PSD2: variants seen among roughly 807,000 people sequenced by gnomAD.
The protein encoded by PSD2 is pleckstrin and Sec7 domain containing 2.
PSD2 carries 38 observed loss-of-function variants against 69.8 expected under a neutral mutation model. The observed-to-expected ratio is 0.54, with a 90% CI of 0.42 to 0.71. PSD2 has a LOEUF of 0.71. Among genes scored for constraint, PSD2 ranks in the 30% least tolerant of loss-of-function variants. The pLI is 0.00. For missense variants in PSD2, 943 were observed against 1,014.5 expected (o/e 0.93, Z 0.96); for synonymous variants, 412 against 423.0 (o/e 0.97, Z 0.32).
At chr5:139,757,507 G>T in the PSD2 span, among the ~76,000 whole-genome samples, 1 of 152,170 alleles carries the variant, frequency 6.6e-6, no homozygotes, top group African/African-American at 2.4e-5. Context: ...GGCAGTCCCT[G>T]AAGGGAATGG....
chr5:139,773,250 T>A, the PSD2 span, among the ~76,000 whole-genome samples: 15 of 152,168 alleles, frequency 9.9e-5, no homozygotes, highest in East Asian at 2.9e-3. Flanking sequence ...CCTTCCTTTC[T>A]TCCTACCTTC....
intron 1 of PSD2, among the ~76,000 whole-genome samples, chr5:139,800,126 C>T (rs1314265460): frequency 6.6e-6 from 1 of 152,184 alleles, no homozygotes; most frequent in Non-Finnish European, 1.5e-5. Context: ...GGCAGCTGCC[C>T]CTGTGGAAGC....
the PSD2 span, among the ~76,000 whole-genome samples, chr5:139,780,590 C>T: frequency 1.5e-4 from 23 of 152,026 alleles, no homozygotes; most frequent in Middle Eastern, 3.2e-3. Flanking sequence ...ATTACAGGCA[C>T]GCAGCACCAT....
At chr5:139,776,834 C>T in the PSD2 span, among the ~76,000 whole-genome samples, 1 of 152,156 alleles carries the variant, frequency 6.6e-6, no homozygotes, top group African/African-American at 2.4e-5. Context: ...CAAAGAACCA[C>T]AGTCCATTCT....
intron 7 of PSD2, among the ~76,000 whole-genome samples, chr5:139,826,930 A>G (rs1760438514): frequency 6.6e-6 from 1 of 152,154 alleles, no homozygotes; most frequent in Admixed American, 6.5e-5. Flanking sequence ...TCTTCTTAGG[A>G]GCTGGAGTCA....
the PSD2 span, among the ~76,000 whole-genome samples, chr5:139,782,490 G>GTTTTTT: frequency 1.7e-5 from 2 of 117,076 alleles, no homozygotes; most frequent in African/African-American, 6.5e-5. Context: ...GGCCTGACTA[G>GTTTTTT]TTTTTTTTTT....
At chr5:139,767,451 A>G in the PSD2 span, among the ~76,000 whole-genome samples, 3 of 152,210 alleles carry the variant, frequency 2.0e-5, no homozygotes, top group East Asian at 5.8e-4. Context: ...AGTAGCTGGG[A>G]TTACAGGCAT....
rs780348877 is a variant in PSD2 at position 139,822,690 on chromosome 5, A to C, written c.1211-36A>C. On this transcript the variant is annotated intron_variant, in intron 6 of 14. Transcript: ENST00000274710. ...GAGACAGGGAGTGGGAAGAGGTTGG[A>C]TCCTCGCACTGAGAGTGCCACCATC... 1.9e-6 allele frequency: 3 copies of C among 1,582,592 alleles called. No individual in the cohort carries two copies. In the African/African-American group the frequency reaches 4.1e-5, roughly 21 times the overall value.
At chr5:139,810,536 G>A (rs1759930979) in intron 2 of PSD2, among the ~76,000 whole-genome samples, 2 of 152,204 alleles carry the variant, frequency 1.3e-5, no homozygotes, top group African/African-American at 4.8e-5. Context: ...TGCCTGCCCT[G>A]CATGTCATGT....
chr5:139,752,646 T>G, the PSD2 span, among the ~76,000 whole-genome samples: 1 of 151,690 alleles, frequency 6.6e-6, no homozygotes. Flanking sequence ...CACACATAGG[T>G]CAGGCACAGA....
rs1419538204 is a variant in PSD2, at chr5:139,795,839, A to T, written c.-187A>T. 6.6e-6 allele frequency: 1 copy of T among 150,722 alleles called. No homozygotes were observed. The highest frequency in any genetic ancestry group is 2.0e-4 in the East Asian group (1 of 5,116). The allele number at this position is 150,722 out of a possible 1,614,324, so 9.3% of individuals were successfully genotyped here. On this transcript the variant is annotated 5_prime_UTR_variant, in exon 1 of 15. Coordinates refer to ENST00000274710, the MANE Select transcript of PSD2 (RefSeq NM_032289.4). This position sits in a 1 kb window ranked among gnomAD's most constrained non-coding sequence, Gnocchi z 4.5. ...CGTCCCCCTCGCTCAGCCTCTCCAC[A>T]TCGCGGCTCCGGCACCTGAAGGGAC...
At chr5:139,807,188 C>T (rs11167794) in intron 1 of PSD2, among the ~76,000 whole-genome samples, 103,283 of 152,088 alleles carry the variant, frequency 0.68, 35,360 homozygotes, top group East Asian at 0.74. Flanking sequence ...GGGCTCAGCC[C>T]CTAGGTATGT....
At chr5:139,759,008 A>G in the PSD2 span, among the ~76,000 whole-genome samples, 1 of 151,880 alleles carries the variant, frequency 6.6e-6, no homozygotes, top group East Asian at 1.9e-4. Flanking sequence ...TTCTTAATGG[A>G]TTCTCCTCCA....
At position 139,813,465 on chromosome 5, in the gene PSD2, C is replaced by T. The variant is rs746530359; in HGVS notation, c.528C>T (p.Phe176=). The change falls in exon 3 of 15, where the codon TTC becomes TTT. Residue 176 remains phenylalanine, a synonymous_variant. Transcript: ENST00000274710. ...ATGAGAGCGACAGCTGCGTCAGCTT[C>T]GAGGCCCCCCTCACACCCCTCATCC... ...LTDESDSCVS[F]EAPLTPLIQQ... 8.7e-6 allele frequency: 14 copies of T among 1,613,978 alleles called. No individual in the cohort carries two copies. The highest frequency in any genetic ancestry group is 1.7e-4 in the Middle Eastern group (1 of 6,058).
the PSD2 span, among the ~76,000 whole-genome samples, chr5:139,776,329 T>C: frequency 6.6e-6 from 1 of 152,240 alleles, no homozygotes; most frequent in Non-Finnish European, 1.5e-5. Flanking sequence ...CCCAAGTGCA[T>C]GACTGGCAGT....
intron 5 of PSD2, among the ~76,000 whole-genome samples, 191 bp downstream of exon 5, chr5:139,817,752 G>A (rs2126944807): frequency 6.6e-6 from 1 of 152,306 alleles, no homozygotes; most frequent in South Asian, 2.1e-4. Context: ...TGTAGTAGCT[G>A]TTAGGATGTG....
At chr5:139,783,199 C>T in the PSD2 span, among the ~76,000 whole-genome samples, 2 of 152,068 alleles carry the variant, frequency 1.3e-5, no homozygotes, top group African/African-American at 2.4e-5. Context: ...CTTTGGGAGG[C>T]GGAGGTGGGA....
At chr5:139,786,481 T>C in the PSD2 span, among the ~76,000 whole-genome samples, 2 of 152,252 alleles carry the variant, frequency 1.3e-5, no homozygotes, top group East Asian at 3.8e-4. Flanking sequence ...CCAGGTGTCA[T>C]GGACATTAGA....
the PSD2 span, among the ~76,000 whole-genome samples, chr5:139,755,047 C>T: frequency 6.6e-6 from 1 of 152,212 alleles, no homozygotes. Context: ...GAGTCGCAGA[C>T]AGTCCCGTAG....
Sources: gnomAD v4.1 joint callset for allele counts (sites outside exome capture counted in the v4.1 genomes callset) on GRCh38, gnomAD v4.1.1 for gene constraint, Gnocchi (gnomAD v3.1) non-coding constraint, MANE v1.5 for transcripts, NCBI Gene and HGNC (gene_info 2026-07-23, HGNC 2026-07-21) for gene names.